TAFA4: variants seen among roughly 807,000 people sequenced by gnomAD.
The protein encoded by TAFA4 is TAFA chemokine like family member 4.
Under a neutral mutation model 21.1 loss-of-function variants are expected in TAFA4, and 20 were observed. The ratio of observed to expected loss-of-function variants is 0.95; its 90% CI spans 0.67 to 1.38. TAFA4 has a LOEUF of 1.38. Among genes scored for constraint, TAFA4 ranks in the 40% most tolerant of loss-of-function variants. TAFA4 has a pLI of 0.00. For missense variants in TAFA4, 211 were observed against 180.9 expected (o/e 1.17, Z -0.95); for synonymous variants, 71 against 67.4 (o/e 1.05, Z -0.26).
intron 4 of TAFA4, among the ~76,000 whole-genome samples, chr3:68,742,631 T>C (rs1273475449): frequency 6.6e-6 from 1 of 152,182 alleles, no homozygotes; most frequent in Admixed American, 6.5e-5. Context: ...TGTATACCGC[T>C]CATTGGTGCA....
chr3:68,929,463 G>C (rs1377776048), intron 1 of TAFA4, among the ~76,000 whole-genome samples: 1 of 152,144 alleles, frequency 6.6e-6, no homozygotes, highest in Non-Finnish European at 1.5e-5. Context: ...ATTTATGATT[G>C]ATTGGCTTCA....
chr3:68,920,639 ATT>A lies in TAFA4; in HGVS notation c.-123+11599_-123+11600del, dbSNP rs367598663. 1.7e-3 allele frequency among the ~76,000 whole-genome samples: 220 copies of A among 130,180 alleles called. 1 individual carries two copies. The highest frequency in any genetic ancestry group is 3.9e-3 in the Middle Eastern group (1 of 254). The allele number at this position is 130,180 out of a possible 152,430, so 85.4% of individuals were successfully genotyped here. ...AGAAGTGATTTTTACTTTTTCTCTA[ATT>A]TTTTTTTTTTTTTTTTTTTTTACAA... is the stretch of plus-strand genomic sequence containing the variant. On this transcript the variant is annotated intron_variant, in intron 1 of 5. Coordinates refer to ENST00000295569, the MANE Select transcript of TAFA4 (RefSeq NM_182522.5).
chr3:68,741,474 T>C (rs2106732654), intron 4 of TAFA4, among the ~76,000 whole-genome samples: 1 of 152,256 alleles, frequency 6.6e-6, no homozygotes, highest in South Asian at 2.1e-4. Context: ...TCTGCAGCTT[T>C]ACTGAATTTA....
At chr3:68,929,790 A>C (rs13324145) in intron 1 of TAFA4, among the ~76,000 whole-genome samples, 4,288 of 152,254 alleles carry the variant, frequency 0.028, 204 homozygotes, top group African/African-American at 0.097. Context: ...AATACCCAAA[A>C]CTCTCAAACT....
chr3:68,778,790 T>A lies in TAFA4; in HGVS notation c.131-25772A>T, dbSNP rs148852344. On this transcript the variant is annotated intron_variant, in intron 3 of 5. Coordinates refer to ENST00000295569, the MANE Select transcript of TAFA4 (RefSeq NM_182522.5). ...TATAAATTGCCCAGTCTCAGGTATA[T>A]CTTTAGCAGCAGCATGAAAACAGGC... Among the ~76,000 whole-genome samples the A allele has an allele frequency of 4.9e-4, 75 of 152,314 alleles. 1 individual carries two copies. The East Asian group carries it at 0.01, about 21-fold the overall frequency.
chr3:68,737,822 A>G (rs558531721), intron 5 of TAFA4, among the ~76,000 whole-genome samples: 1 of 152,324 alleles, frequency 6.6e-6, no homozygotes, highest in South Asian at 2.1e-4. Flanking sequence ...GAAGCCATTC[A>G]CTGTATGTAC....
intron 3 of TAFA4, among the ~76,000 whole-genome samples, chr3:68,758,827 TG>T (rs1427140809): frequency 1.3e-5 from 2 of 152,220 alleles, no homozygotes; most frequent in Non-Finnish European, 2.9e-5. Context: ...CAGCAGCTCG[TG>T]TTATAACATT....
intron 1 of TAFA4, among the ~76,000 whole-genome samples, chr3:68,899,938 A>G (rs924236916): frequency 2.6e-5 from 4 of 152,068 alleles, no homozygotes; most frequent in African/African-American, 7.2e-5. Context: ...AAAGACATTT[A>G]ACCTTTAATT....
chr3:68,735,738 AC>A (rs1702230669), intron 5 of TAFA4, among the ~76,000 whole-genome samples: 1 of 152,174 alleles, frequency 6.6e-6, no homozygotes, highest in Non-Finnish European at 1.5e-5. Flanking sequence ...GACAATAGAA[AC>A]TTTGAAAAAC....
At chr3:68,746,004 T>G (rs1317634007) in intron 4 of TAFA4, among the ~76,000 whole-genome samples, 1 of 152,100 alleles carries the variant, frequency 6.6e-6, no homozygotes, top group Non-Finnish European at 1.5e-5. Context: ...GTGGGCACTA[T>G]CTAATCACCT....
intron 3 of TAFA4, among the ~76,000 whole-genome samples, chr3:68,785,435 G>A (rs1387088515): frequency 6.6e-5 from 10 of 152,230 alleles, no homozygotes; most frequent in African/African-American, 1.4e-4. Context: ...CAGGCATGGC[G>A]GGCTGCGGGT....
intron 4 of TAFA4, among the ~76,000 whole-genome samples, chr3:68,751,709 C>T (rs976582623): frequency 6.6e-6 from 1 of 151,994 alleles, no homozygotes; most frequent in Non-Finnish European, 1.5e-5. Flanking sequence ...GTTCTTTATC[C>T]AGCCTTATCC....
chr3:68,873,393 T>C (rs1276928650), intron 3 of TAFA4, among the ~76,000 whole-genome samples: 1 of 106,380 alleles, frequency 9.4e-6, no homozygotes, highest in Non-Finnish European at 2.0e-5. Flanking sequence ...GCCAGAAAAA[T>C]GCTGACCTAG....
intron 3 of TAFA4, among the ~76,000 whole-genome samples, chr3:68,846,020 T>C (rs1193394686): frequency 6.6e-6 from 1 of 152,156 alleles, no homozygotes; most frequent in Non-Finnish European, 1.5e-5. Flanking sequence ...GAGGAGTATC[T>C]TTGTGGTGTT....
At chr3:68,854,340 A>G (rs917707235) in intron 3 of TAFA4, among the ~76,000 whole-genome samples, 4 of 152,082 alleles carry the variant, frequency 2.6e-5, no homozygotes, top group Admixed American at 6.5e-5. Context: ...CAGGCTGCAC[A>G]GGGCCTTGGA....
At chr3:68,853,682 A>G (rs962600851) in intron 3 of TAFA4, among the ~76,000 whole-genome samples, 1 of 152,138 alleles carries the variant, frequency 6.6e-6, no homozygotes, top group Admixed American at 6.6e-5. Context: ...AATGTAATAA[A>G]TATTTACTGA....
In TAFA4 at chr3:68,825,345, T is replaced by C. The variant is rs575776233; in HGVS notation, c.130+55385A>G. On this transcript the variant is annotated intron_variant, in intron 3 of 5. Transcript: ENST00000295569. ...GCTGCAAAGTATTCCATAATGTATA[T>C]GTACTACATTTTCTTTATCCAGTCT... is the stretch of plus-strand genomic sequence containing the variant. Among the ~76,000 whole-genome samples, 4 of 152,358 alleles carry C rather than the reference T, an allele frequency of 2.6e-5. No individual in the cohort carries two copies. In the East Asian group the frequency reaches 7.7e-4, roughly 29 times the overall value.
intron 3 of TAFA4, among the ~76,000 whole-genome samples, chr3:68,860,832 C>T (rs571968433): frequency 1.3e-5 from 2 of 152,236 alleles, no homozygotes; most frequent in East Asian, 3.9e-4. Flanking sequence ...ACGTAGGTCC[C>T]TAACCCAATA....
intron 3 of TAFA4, among the ~76,000 whole-genome samples, chr3:68,801,580 T>G (rs1394584245): frequency 1.3e-5 from 2 of 152,202 alleles, no homozygotes; most frequent in South Asian, 2.1e-4. Context: ...GAAAGGCATT[T>G]TTACCTACTA....
Sources: allele counts gnomAD v4.1 joint callset (sites outside exome capture counted in the v4.1 genomes callset), GRCh38; gene constraint gnomAD v4.1.1; transcripts MANE v1.5; gene names NCBI Gene and HGNC (gene_info 2026-07-23, HGNC 2026-07-21).